Variants in PCSK2 observed in about 807,000 individuals in gnomAD.
PCSK2 encodes neuroendocrine convertase 2.
A neutral mutation model predicts 69.7 loss-of-function variants in PCSK2; 14 were observed. That is an observed-to-expected ratio of 0.20 (90% CI 0.13 to 0.31). The LOEUF is 0.31. PCSK2 is among the 10% of genes least tolerant of loss of function. PCSK2 has a pLI of 1.00. For missense variants in PCSK2, 544 were observed against 842.5 expected (o/e 0.65, Z 4.39); for synonymous variants, 307 against 320.7 (o/e 0.96, Z 0.46).
chr20:17,479,032 G>T (rs1205631254), intron 11 of PCSK2: 15 of 1,005,326 alleles, frequency 1.5e-5, no homozygotes, highest in Non-Finnish European at 2.4e-5. Context: ...TTTTTGAAAG[G>T]ATACACTGAC....
chr20:17,482,342 GAA>G lies in PCSK2; in HGVS notation c.*292_*293del, dbSNP rs11472008. ...CTGTCATTCAAATGGGTGATATCCT[GAA>G]AAAAAAAAAAAAAAAAAAACTGGGA... On this transcript the variant is annotated 3_prime_UTR_variant, in exon 12 of 12. Transcript: ENST00000262545. The G allele has an allele frequency of 0.015, 1,569 of 106,506 alleles. 27 individuals carry two copies. Among genetic ancestry groups the G allele is most frequent in the African/African-American group, 0.041 (1,224 of 30,060 alleles). The allele number at this position is 106,506 out of a possible 1,614,324, so 6.6% of individuals were successfully genotyped here.
intron 2 of PCSK2, among the ~76,000 whole-genome samples, chr20:17,280,176 G>A (rs896798557): frequency 6.6e-6 from 1 of 152,094 alleles, no homozygotes; most frequent in Non-Finnish European, 1.5e-5. Flanking sequence ...GAATTGTATA[G>A]TATATACTAT....
chr20:17,280,350 A>G (rs1988261295), intron 2 of PCSK2, among the ~76,000 whole-genome samples: 1 of 152,220 alleles, frequency 6.6e-6, no homozygotes, highest in Admixed American at 6.5e-5. Flanking sequence ...ACAACATTGC[A>G]TGCTTCTTTG....
rs544196209 is a variant in PCSK2 at position 17,483,202 on chromosome 20, C to T, written c.*1132C>T. ...AAAGGGGCACGTTTGAAGATGCGAGCGCTATCTTCACATAGTTCTCCAGTT... is the reference window on the plus strand; with the variant it reads ...AAAGGGGCACGTTTGAAGATGCGAGTGCTATCTTCACATAGTTCTCCAGTT... On this transcript the variant is annotated 3_prime_UTR_variant, in exon 12 of 12. Coordinates refer to ENST00000262545, the MANE Select transcript of PCSK2 (RefSeq NM_002594.5). 1.3e-5 allele frequency: 2 copies of T among 152,050 alleles called. No homozygotes were observed. Among genetic ancestry groups the T allele is most frequent in the African/African-American group, 2.4e-5 (1 of 41,390 alleles). 9.4% of individuals were successfully genotyped at this position (152,050 alleles called of 1,614,324 possible). A position where few individuals can be genotyped will look rare whatever the true frequency, so the allele number is the denominator to read the frequency against.
At chr20:17,259,396 A>C (rs991972966) in intron 1 of PCSK2, among the ~76,000 whole-genome samples, 8 of 152,214 alleles carry the variant, frequency 5.3e-5, no homozygotes, top group Non-Finnish European at 1.0e-4. Context: ...AGATCTGGGA[A>C]CTTCAAGCCC....
chr20:17,449,347 A>G (rs1359873608), intron 8 of PCSK2, among the ~76,000 whole-genome samples: 1 of 152,022 alleles, frequency 6.6e-6, no homozygotes. Context: ...TCCATGGGTG[A>G]ATTCCCATTT....
chr20:17,395,086 G>A (rs1474359395), intron 5 of PCSK2, among the ~76,000 whole-genome samples: 1 of 152,042 alleles, frequency 6.6e-6, no homozygotes, highest in Non-Finnish European at 1.5e-5. Flanking sequence ...TATAAACACT[G>A]AGATATTTAC....
chr20:17,247,633 A>G (rs981397610), intron 1 of PCSK2, among the ~76,000 whole-genome samples: 1 of 152,184 alleles, frequency 6.6e-6, no homozygotes, highest in African/African-American at 2.4e-5. Context: ...TTCTGAATCC[A>G]TTTGAGAATC....
intron 5 of PCSK2, among the ~76,000 whole-genome samples, chr20:17,377,503 C>T (rs2030962281): frequency 1.3e-5 from 2 of 152,260 alleles, no homozygotes; most frequent in Non-Finnish European, 2.9e-5. Flanking sequence ...GCACAGTACT[C>T]AGCCCCGAAT....
At chr20:17,303,528 ATTATATTATATATAATATG>A (rs1415494381) in intron 2 of PCSK2, among the ~76,000 whole-genome samples, 14 of 39,938 alleles carry the variant, frequency 3.5e-4, no homozygotes, top group East Asian at 1.7e-3. Flanking sequence ...TATAATATAT[ATTATATTATATATAATATG>A]ATATAATATA....
intron 2 of PCSK2, among the ~76,000 whole-genome samples, chr20:17,322,728 C>CA (rs1364530687): frequency 2.0e-5 from 3 of 152,206 alleles, no homozygotes; most frequent in Non-Finnish European, 2.9e-5. Flanking sequence ...TGTGTCCTCA[C>CA]ATGGTAGAAG....
chr20:17,370,751 CT>C (rs1388365789), intron 5 of PCSK2, among the ~76,000 whole-genome samples: 2 of 152,212 alleles, frequency 1.3e-5, no homozygotes, highest in Non-Finnish European at 2.9e-5. Flanking sequence ...CTTGCTGCCT[CT>C]CCCTGACTAT....
chr20:17,374,566 G>A (rs1338529025), intron 5 of PCSK2, among the ~76,000 whole-genome samples: 1 of 152,174 alleles, frequency 6.6e-6, no homozygotes, highest in Non-Finnish European at 1.5e-5. Flanking sequence ...AGCAGACCCT[G>A]AGACAAGGAT....
At chr20:17,358,750 G>A (rs1336086659) in intron 3 of PCSK2, among the ~76,000 whole-genome samples, 1 of 152,178 alleles carries the variant, frequency 6.6e-6, no homozygotes, top group East Asian at 1.9e-4. Context: ...CTATATAAAA[G>A]TCAAATCAGA....
intron 2 of PCSK2, among the ~76,000 whole-genome samples, chr20:17,279,635 G>A (rs772665609): frequency 6.6e-6 from 1 of 152,030 alleles, no homozygotes; most frequent in South Asian, 2.1e-4. Flanking sequence ...GAGAAACCCT[G>A]TCTCTACTGG....
chr20:17,291,937 C>T (rs1006017540), intron 2 of PCSK2, among the ~76,000 whole-genome samples: 2 of 152,056 alleles, frequency 1.3e-5, no homozygotes, highest in African/African-American at 2.4e-5. Context: ...CTGTTCCAGA[C>T]AAGAAAATCA....
chr20:17,365,457 C>G (rs997812410), intron 4 of PCSK2, among the ~76,000 whole-genome samples: 3 of 152,184 alleles, frequency 2.0e-5, no homozygotes, highest in Non-Finnish European at 2.9e-5. Flanking sequence ...GCACCACCCC[C>G]CCGAAAATTT....
intron 2 of PCSK2, among the ~76,000 whole-genome samples, chr20:17,323,775 T>C (rs1989949837): frequency 1.3e-5 from 2 of 152,252 alleles, no homozygotes; most frequent in African/African-American, 4.8e-5. Flanking sequence ...TTTTTGTTTA[T>C]AAGATATAAA....
intron 2 of PCSK2, among the ~76,000 whole-genome samples, chr20:17,294,093 ATTTTCTT>A (rs1988788107): frequency 1.1e-5 from 1 of 91,016 alleles, no homozygotes; most frequent in Non-Finnish European, 2.4e-5. Context: ...TGTATAAAGT[ATTTTCTT>A]TTTTTTTTTT....
Sources: gnomAD v4.1 joint callset for allele counts (sites outside exome capture counted in the v4.1 genomes callset) on GRCh38, gnomAD v4.1.1 for gene constraint, MANE v1.5 for transcripts, NCBI Gene and HGNC (gene_info 2026-07-23, HGNC 2026-07-21) for gene names.